PRPF18: variants seen among roughly 807,000 people sequenced by gnomAD.
PRPF18 encodes pre-mRNA processing factor 18.
A neutral mutation model predicts 46.5 loss-of-function variants in PRPF18; 38 were observed. That is an observed-to-expected ratio of 0.82 (90% CI 0.63 to 1.07). The LOEUF (loss-of-function observed/expected upper bound fraction) is 1.07. PRPF18 is among the 50% of genes least tolerant of loss of function. PRPF18 has a pLI of 0.00. For missense variants in PRPF18, 263 were observed against 410.0 expected, an observed-to-expected ratio of 0.64 and a Z score of 3.10; for synonymous variants, 152 against 146.7, an observed-to-expected ratio of 1.04 and a Z score of -0.26.
chr10:13,613,963 C>T, intron 7 of PRPF18, 52 bp from the exon 8 acceptor site: 1 of 1,553,184 alleles, frequency 6.4e-7, no homozygotes, highest in Non-Finnish European at 8.7e-7. Flanking sequence ...CTGTTTTTTC[C>T]CTATACATCT....
intron 5 of PRPF18, among the ~76,000 whole-genome samples, chr10:13,611,127 A>G (rs1479137603): frequency 1.3e-5 from 2 of 151,134 alleles, no homozygotes; most frequent in Admixed American, 1.3e-4. Flanking sequence ...GCCTCCTCCA[A>G]TACCTGTCTA....
At chr10:13,638,325 T>C in the PRPF18 span, among the ~76,000 whole-genome samples, 7 of 146,284 alleles carry the variant, frequency 4.8e-5, no homozygotes, top group East Asian at 1.4e-3. Context: ...TTTTATGGCA[T>C]CATGAAATCA....
intron 9 of PRPF18, among the ~76,000 whole-genome samples, chr10:13,622,285 C>G (rs1415766237): frequency 6.6e-6 from 1 of 152,102 alleles, no homozygotes; most frequent in Non-Finnish European, 1.5e-5. Flanking sequence ...ATAGTAATAC[C>G]TTTTAATGTC....
the PRPF18 span, chr10:13,654,478 C>CGGTGTCGAGCTTCTCTGGCTTTGA: frequency 6.2e-7 from 1 of 1,613,784 alleles, no homozygotes; most frequent in East Asian, 2.2e-5. Context: ...TTTCACTTGA[C>CGGTGTCGAGCTTCTCTGGCTTTGA]GGTGTCGAGC....
intron 1 of PRPF18, among the ~76,000 whole-genome samples, chr10:13,596,876 C>T (rs574528800): frequency 7.2e-5 from 11 of 152,094 alleles, no homozygotes; most frequent in Middle Eastern, 3.4e-3. Flanking sequence ...ACCAGAAAAA[C>T]GCACAAAAAA....
intron 1 of PRPF18, among the ~76,000 whole-genome samples, chr10:13,595,540 C>G (rs1479551377): frequency 6.6e-6 from 1 of 152,212 alleles, no homozygotes; most frequent in Admixed American, 6.5e-5. Context: ...GCTTGGAAGA[C>G]TAGATCAGAA....
the PRPF18 span, among the ~76,000 whole-genome samples, chr10:13,649,839 A>C: frequency 6.6e-6 from 1 of 152,228 alleles, no homozygotes; most frequent in African/African-American, 2.4e-5. Context: ...CAAATAATAC[A>C]AATGGGGCCA....
the PRPF18 span, among the ~76,000 whole-genome samples, chr10:13,635,995 A>G: frequency 6.6e-6 from 1 of 152,234 alleles, no homozygotes; most frequent in East Asian, 1.9e-4. Flanking sequence ...AAGAACCGAG[A>G]ACAGAAACTT....
At chr10:13,622,260 G>A (rs1589135913) in intron 9 of PRPF18, among the ~76,000 whole-genome samples, 1 of 152,194 alleles carries the variant, frequency 6.6e-6, no homozygotes, top group East Asian at 1.9e-4. Flanking sequence ...AATACTGCTA[G>A]TATTTATGTT....
intron 4 of PRPF18, among the ~76,000 whole-genome samples, chr10:13,609,348 T>C (rs2080239422): frequency 6.6e-6 from 1 of 152,222 alleles, no homozygotes; most frequent in Non-Finnish European, 1.5e-5. Context: ...ACACAGGGGT[T>C]AAGCAAGCTT....
chr10:13,591,273 C>T (rs10906418), intron 1 of PRPF18, among the ~76,000 whole-genome samples: 14,818 of 152,286 alleles, frequency 0.097, 761 homozygotes, highest in Non-Finnish European at 0.12. Context: ...ATCACAGTGT[C>T]TGTCAGTAAC....
chr10:13,608,065 A>T (rs1186711911), intron 4 of PRPF18, among the ~76,000 whole-genome samples: 7 of 152,228 alleles, frequency 4.6e-5, no homozygotes, highest in African/African-American at 1.4e-4. Flanking sequence ...TCCAAAACTT[A>T]CTAGTGTTTG....
At chr10:13,652,834 T>TTTGTGTTACAGGTAAG in the PRPF18 span, 4 of 152,242 alleles carry the variant, frequency 2.6e-5, no homozygotes, top group African/African-American at 9.6e-5. Context: ...TTGGATTTTT[T>TTTGTGTTACAGGTAAG]TTGTGTTACA....
At position 13,614,156 on chromosome 10, in the gene PRPF18, T is replaced by C; in HGVS notation, c.792+70T>C. On this transcript the variant is annotated intron_variant, in intron 8 of 9. Transcript: ENST00000378572. ...GGTTATGTACGTAATATAATGTTCA[T>C]TTGGGATAGGAGGATTTTACATAGT... 5.0e-6 allele frequency: 6 copies of C among 1,190,636 alleles called. 1 individual carries two copies. The highest frequency in any genetic ancestry group is 7.0e-6 in the Non-Finnish European group (6 of 855,326). The allele number at this position is 1,190,636 out of a possible 1,614,324, so 73.8% of individuals were successfully genotyped here.
At chr10:13,632,744 T>G (rs2080601458), downstream of PRPF18, 1 of 152,212 alleles carries the variant, frequency 6.6e-6, no homozygotes, top group Non-Finnish European at 1.5e-5. Flanking sequence ...GTTAAAGATC[T>G]TCAAATGACT....
At chr10:13,592,615 C>T (rs963502974) in intron 1 of PRPF18, among the ~76,000 whole-genome samples, 1 of 152,172 alleles carries the variant, frequency 6.6e-6, no homozygotes, top group African/African-American at 2.4e-5. Context: ...CCTAAAGTGC[C>T]CTGCCTGGTG....
intron 9 of PRPF18, 38 bp downstream of exon 9, chr10:13,616,591 G>A: frequency 1.9e-6 from 3 of 1,604,464 alleles, no homozygotes; most frequent in Non-Finnish European, 2.6e-6. Context: ...CCCTGGAAGT[G>A]AATATTCTCT....
the PRPF18 span, chr10:13,644,999 A>G: frequency 1.3e-5 from 2 of 152,236 alleles, no homozygotes; most frequent in African/African-American, 2.4e-5. Flanking sequence ...AGCTGGGGAA[A>G]GCAGGCCCTG....
chr10:13,622,482 C>T (rs1475042349), intron 9 of PRPF18, among the ~76,000 whole-genome samples: 2 of 152,166 alleles, frequency 1.3e-5, no homozygotes, highest in Admixed American at 6.5e-5. Flanking sequence ...AAACCTGGTA[C>T]TCACGTAAAT....
Sources: allele counts gnomAD v4.1 joint callset (sites outside exome capture counted in the v4.1 genomes callset), GRCh38; gene constraint gnomAD v4.1.1; transcripts MANE v1.5; gene names NCBI Gene and HGNC (gene_info 2026-07-23, HGNC 2026-07-21).